ANO3: variants seen among roughly 807,000 people sequenced by gnomAD.
ANO3 encodes the protein anoctamin 3.
Under a neutral mutation model 144.8 loss-of-function variants are expected in ANO3, and 99 were observed. The observed-to-expected ratio is 0.68, with a 90% confidence interval of 0.58 to 0.81. The LOEUF is 0.81. ANO3 is among the 30% of genes least tolerant of loss of function. The pLI, the probability that ANO3 is intolerant of heterozygous loss-of-function variation, is 0.00. For synonymous variants in ANO3, 414 were observed against 392.6 expected (o/e 1.05, Z -0.64); for missense variants, 905 against 1,202.2 (o/e 0.75, Z 3.66).
chr11:26,341,717 G>C (rs35919814), intron 1 of ANO3, among the ~76,000 whole-genome samples: 5,276 of 152,236 alleles, frequency 0.035, 107 homozygotes, highest in East Asian at 0.048. Flanking sequence ...TGGTGGATCA[G>C]TCCGAGTCCC....
At chr11:26,631,932 C>T (rs918255354) in intron 18 of ANO3, among the ~76,000 whole-genome samples, 2 of 152,068 alleles carry the variant, frequency 1.3e-5, no homozygotes, top group Non-Finnish European at 2.9e-5. Context: ...GTGATCTCAG[C>T]ACTTTGGGAG....
chr11:26,289,766 TGTATACATATGTATAATGCCAGTATA>T (rs1853911259), intron 1 of ANO3, among the ~76,000 whole-genome samples: 5 of 136,942 alleles, frequency 3.7e-5, no homozygotes, highest in Admixed American at 7.2e-5. Flanking sequence ...TGTATATATA[TGTATACATATGTATAATGCCAGTATA>T]TATATATGTG....
chr11:26,466,641 A>G (rs1859612162), intron 4 of ANO3, among the ~76,000 whole-genome samples: 1 of 151,926 alleles, frequency 6.6e-6, no homozygotes, highest in Non-Finnish European at 1.5e-5. Flanking sequence ...AGGCAGAGAG[A>G]GATGAGAGAA....
At chr11:26,304,327 CA>C (rs1348845784) in intron 1 of ANO3, among the ~76,000 whole-genome samples, 2 of 152,026 alleles carry the variant, frequency 1.3e-5, no homozygotes, top group Non-Finnish European at 2.9e-5. Flanking sequence ...GCTTTAAAAG[CA>C]TTAAGGATTT....
intron 14 of ANO3, among the ~76,000 whole-genome samples, chr11:26,593,042 CCCTTT>C (rs971126110): frequency 1.5e-4 from 23 of 152,008 alleles, no homozygotes; most frequent in African/African-American, 4.6e-4. Context: ...CCTTCTATTT[CCCTTT>C]CCTTTCCTTT....
At chr11:26,509,093 ATCTC>A (rs140858393) in intron 5 of ANO3, among the ~76,000 whole-genome samples, 2 of 132,074 alleles carry the variant, frequency 1.5e-5, no homozygotes, top group African/African-American at 5.3e-5. Flanking sequence ...ACACACATCT[ATCTC>A]TCTCTCTCTA....
chr11:26,405,729 G>T (rs972112195), intron 1 of ANO3, among the ~76,000 whole-genome samples: 1 of 151,874 alleles, frequency 6.6e-6, no homozygotes, highest in African/African-American at 2.4e-5. Flanking sequence ...AATTGAATGT[G>T]CAGGTTATAT....
intron 1 of ANO3, among the ~76,000 whole-genome samples, chr11:26,421,168 A>G (rs530972210): frequency 1.3e-5 from 2 of 152,168 alleles, no homozygotes; most frequent in East Asian, 3.9e-4. Context: ...ATGGAAATTA[A>G]TATCACCTAC....
intron 21 of ANO3, among the ~76,000 whole-genome samples, chr11:26,640,958 G>A (rs1367976162): frequency 2.0e-5 from 3 of 152,088 alleles, no homozygotes; most frequent in Non-Finnish European, 2.9e-5. Context: ...ACTGCCTGAC[G>A]TTTGTTCTCT....
chr11:26,635,682 G>A (rs988377226), intron 20 of ANO3, among the ~76,000 whole-genome samples: 2 of 152,084 alleles, frequency 1.3e-5, no homozygotes, highest in African/African-American at 4.8e-5. Context: ...AATAGCCAGT[G>A]ATTTTAGTTT....
In ANO3 at chr11:26,661,153, G is replaced by A. The variant is rs1853865441; in HGVS notation, c.*709G>A. ...CTACTTCAAGTCTCTTTTACCCCTG[G>A]CAGAGCCAGTTGCAGTGCAATTTTT... On this transcript the variant is annotated 3_prime_UTR_variant, in exon 27 of 27. Coordinates refer to ENST00000256737, the MANE Select transcript of ANO3 (RefSeq NM_031418.4). 6.6e-6 allele frequency: 1 copy of A among 152,538 alleles called. No individual in the cohort carries two copies. The highest frequency in any genetic ancestry group is 2.4e-5 in the African/African-American group (1 of 41,448). The allele number at this position is 152,538 out of a possible 1,614,324, so 9.4% of individuals were successfully genotyped here. A position where few individuals can be genotyped will look rare whatever the true frequency, so the allele number is the denominator to read the frequency against.
chr11:26,220,767 T>G (rs1852126306), intron 1 of ANO3, among the ~76,000 whole-genome samples: 1 of 152,210 alleles, frequency 6.6e-6, no homozygotes, highest in South Asian at 2.1e-4. Flanking sequence ...GTAAGCCTTG[T>G]ATACAGCTTA....
chr11:26,508,835 T>A (rs117205191), intron 5 of ANO3: 5 of 151,698 alleles, frequency 3.3e-5, no homozygotes, highest in Admixed American at 2.6e-4. Flanking sequence ...ATAGAAAACA[T>A]GTATTAATCG....
chr11:26,284,345 G>C (rs1228225543), intron 1 of ANO3, among the ~76,000 whole-genome samples: 1 of 152,162 alleles, frequency 6.6e-6, no homozygotes, highest in African/African-American at 2.4e-5. Context: ...CTAATGGGTT[G>C]AACGGGAAGC....
intron 1 of ANO3, among the ~76,000 whole-genome samples, chr11:26,212,874 A>C (rs1442011013): frequency 6.6e-6 from 1 of 152,160 alleles, no homozygotes. Context: ...TTAATGCAGA[A>C]ATCCTCAATA....
intron 16 of ANO3, 100 bp downstream of exon 16, chr11:26,599,098 C>A: frequency 7.9e-7 from 1 of 1,263,640 alleles, no homozygotes; most frequent in Non-Finnish European, 1.1e-6. Flanking sequence ...ATGTCAGAAA[C>A]CTTATTCTTT....
At chr11:26,588,786 A>T (rs1280517225) in intron 14 of ANO3, among the ~76,000 whole-genome samples, 1 of 152,048 alleles carries the variant, frequency 6.6e-6, no homozygotes, top group Non-Finnish European at 1.5e-5. Flanking sequence ...TTAATATTGT[A>T]CCTTTTTTTC....
chr11:26,258,653 G>A (rs1248111135), intron 1 of ANO3, among the ~76,000 whole-genome samples: 1 of 152,040 alleles, frequency 6.6e-6, no homozygotes, highest in African/African-American at 2.4e-5. Flanking sequence ...GAACTCCATA[G>A]GGGTATTCCT....
intron 1 of ANO3, among the ~76,000 whole-genome samples, chr11:26,428,606 C>CA (rs1458224127): frequency 6.6e-6 from 1 of 152,136 alleles, no homozygotes; most frequent in African/African-American, 2.4e-5. Flanking sequence ...TGTTAGAACT[C>CA]AGAGGATATT....
Sources: allele counts gnomAD v4.1 joint callset (sites outside exome capture counted in the v4.1 genomes callset), GRCh38; gene constraint gnomAD v4.1.1; transcripts MANE v1.5; gene names NCBI Gene and HGNC (gene_info 2026-07-23, HGNC 2026-07-21).